Variants in MYT1L observed in about 807,000 individuals in gnomAD.
The protein encoded by MYT1L is myelin transcription factor 1-like protein.
In MYT1L, 12 loss-of-function variants were observed where a neutral mutation model predicts 126.7. The ratio of observed to expected loss-of-function variants is 0.09; its 90% CI spans 0.06 to 0.15. MYT1L has a LOEUF of 0.15. Among genes scored for constraint, MYT1L ranks in the 10% least tolerant of loss-of-function variants. The pLI is 1.00. For synonymous variants in MYT1L, 541 were observed against 604.2 expected (o/e 0.90, Z 1.53); for missense variants, 979 against 1,585.2 (o/e 0.62, Z 6.49).
intron 3 of MYT1L, among the ~76,000 whole-genome samples, chr2:2,154,388 A>T (rs1297928374): frequency 3.9e-5 from 6 of 152,234 alleles, no homozygotes; most frequent in Admixed American, 3.3e-4. Flanking sequence ...GAGTCTATTC[A>T]TTGCAGCACT....
chr2:1,919,955 T>C (rs2053360654), intron 10 of MYT1L, among the ~76,000 whole-genome samples: 1 of 131,796 alleles, frequency 7.6e-6, no homozygotes, highest in Non-Finnish European at 1.5e-5. Flanking sequence ...CCTGACCTCG[T>C]GATCCACCCG....
chr2:2,220,884 C>T (rs1048170579), intron 2 of MYT1L, among the ~76,000 whole-genome samples: 3 of 151,924 alleles, frequency 2.0e-5, no homozygotes, highest in Admixed American at 6.6e-5. Context: ...ACTTCCAATA[C>T]CCAGAATTGT....
intron 3 of MYT1L, among the ~76,000 whole-genome samples, chr2:2,061,833 C>A (rs2070550043): frequency 6.6e-6 from 1 of 152,166 alleles, no homozygotes; most frequent in South Asian, 2.1e-4. Context: ...TTCTCATCAA[C>A]CTCATACACA....
rs920850434 is a variant in MYT1L at position 1,806,563 on chromosome 2, C to T, written c.3172+2513G>A. Among the ~76,000 whole-genome samples the T allele has an allele frequency of 2.6e-5, 4 of 152,148 alleles. No individual in the cohort carries two copies. Among genetic ancestry groups the T allele is most frequent in the East Asian group, 1.9e-4 (1 of 5,184 alleles). ...GACCAACTGCTTATCTTTATCCCTCCGAGTTAGCACCTGTTTTTGTGAATT... is the reference window on the plus strand; with the variant it reads ...GACCAACTGCTTATCTTTATCCCTCTGAGTTAGCACCTGTTTTTGTGAATT... On this transcript the variant is annotated intron_variant, in intron 22 of 24. Transcript: ENST00000647738. This position sits in a 1 kb window ranked among gnomAD's most constrained non-coding sequence, Gnocchi z 4.9.
chr2:1,981,820 G>C (rs545785799), intron 5 of MYT1L, among the ~76,000 whole-genome samples: 2 of 152,212 alleles, frequency 1.3e-5, no homozygotes, highest in African/African-American at 4.8e-5. Flanking sequence ...AAGAAGAAAG[G>C]GCTTGGGCAG....
intron 3 of MYT1L, among the ~76,000 whole-genome samples, chr2:2,105,076 C>T (rs1422166979): frequency 6.6e-6 from 1 of 152,178 alleles, no homozygotes; most frequent in African/African-American, 2.4e-5. Context: ...ATATCATCTA[C>T]TTTTATTTAT....
chr2:1,820,700 C>T lies in MYT1L; in HGVS notation c.3081-11533G>A, dbSNP rs534718229. Among the ~76,000 whole-genome samples, 6 of 152,222 alleles carry T rather than the reference C, an allele frequency of 3.9e-5. No individual in the cohort carries two copies. In the South Asian group the frequency reaches 6.2e-4, roughly 16 times the overall value. ...TAGCTATGACCACAGCCATGTACCA[C>T]CATGCCTGGTTAATTTTTAAATTTT... On this transcript the variant is annotated intron_variant, in intron 21 of 24. Coordinates refer to ENST00000647738, the MANE Select transcript of MYT1L (RefSeq NM_001303052.2).
chr2:1,852,583 C>G lies in MYT1L; in HGVS notation c.2712-880G>C, dbSNP rs1299005993. ...GAGATCAACTTCTTAACTATGCTGT[C>G]TCAAGAATAATGAGATCACACCGCA... On this transcript the variant is annotated intron_variant, in intron 18 of 24. Transcript: ENST00000647738. The surrounding 1 kb of genome is among the most constrained non-coding windows in gnomAD (Gnocchi z 4.0). 6.6e-6 allele frequency among the ~76,000 whole-genome samples: 1 copy of G among 151,964 alleles called. No individual in the cohort carries two copies. Among genetic ancestry groups the G allele is most frequent in the African/African-American group, 2.4e-5 (1 of 41,394 alleles).
chr2:2,093,151 T>C (rs979196050), intron 3 of MYT1L, among the ~76,000 whole-genome samples: 1 of 152,172 alleles, frequency 6.6e-6, no homozygotes, highest in Non-Finnish European at 1.5e-5. Flanking sequence ...AGAGTTTGTC[T>C]CCCTCAAATG....
rs1412052097 is a variant in MYT1L at position 1,929,929 on chromosome 2, G to C, written c.506-6666C>G. Among the ~76,000 whole-genome samples, 2 of 152,150 alleles carry C rather than the reference G, an allele frequency of 1.3e-5. No individual in the cohort carries two copies. Among genetic ancestry groups the C allele is most frequent in the Admixed American group, 6.5e-5 (1 of 15,268 alleles). On this transcript the variant is annotated intron_variant, in intron 9 of 24. Coordinates refer to ENST00000647738, the MANE Select transcript of MYT1L (RefSeq NM_001303052.2). This position sits in a 1 kb window ranked among gnomAD's most constrained non-coding sequence, Gnocchi z 4.7. ...TTTCAAAACCGGGACATATTCGGAGGGTCACAACGCAGTGTCATCTCTAAG... is the reference window on the plus strand; with the variant it reads ...TTTCAAAACCGGGACATATTCGGAGCGTCACAACGCAGTGTCATCTCTAAG...
chr2:1,808,223 C>A (rs1005060564), intron 22 of MYT1L, among the ~76,000 whole-genome samples: 2 of 152,118 alleles, frequency 1.3e-5, no homozygotes, highest in African/African-American at 4.8e-5. Context: ...CATTTAAAGA[C>A]AACCTATTTA....
rs75780836 is a variant in MYT1L at position 2,113,561 on chromosome 2, T to A, written c.-304+59311A>T. 2.4e-4 allele frequency among the ~76,000 whole-genome samples: 37 copies of A among 152,326 alleles called. No individual in the cohort carries two copies. In the East Asian group the frequency reaches 6.9e-3, roughly 29 times the overall value. ...GCAGGCTTCCCCAGCCTGGTCCATCTCACTCTCCTCATTGTTCTGTTGTAT... is the reference window on the plus strand; with the variant it reads ...GCAGGCTTCCCCAGCCTGGTCCATCACACTCTCCTCATTGTTCTGTTGTAT... On this transcript the variant is annotated intron_variant, in intron 3 of 24. Coordinates refer to ENST00000647738, the MANE Select transcript of MYT1L (RefSeq NM_001303052.2).
chr2:2,111,356 C>T (rs570145232), intron 3 of MYT1L, among the ~76,000 whole-genome samples: 32 of 152,318 alleles, frequency 2.1e-4, no homozygotes, highest in African/African-American at 7.0e-4. Flanking sequence ...ATCCTCCCCC[C>T]GACGGCACTC....
chr2:2,121,776 C>G (rs552040305), intron 3 of MYT1L, among the ~76,000 whole-genome samples: 1 of 152,272 alleles, frequency 6.6e-6, no homozygotes, highest in East Asian at 1.9e-4. Flanking sequence ...TGAGCCACCG[C>G]GTTTTTTCAA....
chr2:2,057,213 CCT>C (rs1310192707), intron 3 of MYT1L, among the ~76,000 whole-genome samples: 10 of 152,270 alleles, frequency 6.6e-5, no homozygotes, highest in African/African-American at 1.9e-4. Flanking sequence ...AGCAAGAGTT[CCT>C]CTGTGTCCTT....
At chr2:1,940,348 G>A (rs1228057379) in intron 9 of MYT1L, among the ~76,000 whole-genome samples, 1 of 149,956 alleles carries the variant, frequency 6.7e-6, no homozygotes, top group Non-Finnish European at 1.5e-5. Context: ...CTGGTAGCAG[G>A]TAGGTTATCT....
intron 2 of MYT1L, among the ~76,000 whole-genome samples, chr2:2,265,817 T>C (rs1400668177): frequency 1.3e-5 from 2 of 151,964 alleles, no homozygotes; most frequent in East Asian, 1.9e-4. Context: ...ACAATGACAA[T>C]GATGGAAAAG....
At chr2:1,869,620 G>A (rs2046027592) in intron 18 of MYT1L, among the ~76,000 whole-genome samples, 1 of 152,248 alleles carries the variant, frequency 6.6e-6, no homozygotes, top group Non-Finnish European at 1.5e-5. Context: ...AGGACTTCAT[G>A]CTGCCGTTTC....
intron 2 of MYT1L, among the ~76,000 whole-genome samples, chr2:2,273,511 G>A (rs1183248273): frequency 6.6e-6 from 1 of 152,200 alleles, no homozygotes; most frequent in African/African-American, 2.4e-5. Flanking sequence ...ATCCTCCTAA[G>A]GACCAGTCTT....
Sources: allele counts gnomAD v4.1 joint callset (sites outside exome capture counted in the v4.1 genomes callset), GRCh38; gene constraint gnomAD v4.1.1; non-coding constraint Gnocchi (gnomAD v3.1); transcripts MANE v1.5; gene names NCBI Gene and HGNC (gene_info 2026-07-23, HGNC 2026-07-21).